TRAPPC9: variants seen among roughly 807,000 people sequenced by gnomAD.
TRAPPC9 encodes IKK2 binding protein.
Under a neutral mutation model 124.0 loss-of-function variants are expected in TRAPPC9, and 83 were observed. That is an observed-to-expected ratio of 0.67 (90% CI 0.56 to 0.80). The LOEUF is 0.80. Ranked by LOEUF, TRAPPC9 falls within the 30% of genes least tolerant of loss-of-function variation. TRAPPC9 has a pLI of 0.00. For missense variants in TRAPPC9, 1,302 were observed against 1,508.3 expected (o/e 0.86, Z 2.27); for synonymous variants, 638 against 617.5 (o/e 1.03, Z -0.49).
At chr8:140,293,544 G>A (rs2065722229) in intron 11 of TRAPPC9, among the ~76,000 whole-genome samples, 1 of 152,188 alleles carries the variant, frequency 6.6e-6, no homozygotes, top group Non-Finnish European at 1.5e-5. Context: ...CATAAAAAAG[G>A]ATGAGTTCAT....
chr8:140,346,291 G>A (rs1167622371), intron 9 of TRAPPC9, among the ~76,000 whole-genome samples: 3 of 152,118 alleles, frequency 2.0e-5, no homozygotes, highest in Admixed American at 1.3e-4. Context: ...ATCCCCAAAG[G>A]AACTGCGTGC....
At chr8:140,366,163 CT>C (rs1426187785) in intron 8 of TRAPPC9, among the ~76,000 whole-genome samples, 3 of 152,166 alleles carry the variant, frequency 2.0e-5, no homozygotes, top group Non-Finnish European at 4.4e-5. Context: ...TTTATCCAGT[CT>C]ATCACTGATG....
At chr8:140,050,348 G>A (rs768122169) in intron 17 of TRAPPC9, among the ~76,000 whole-genome samples, 61 of 152,184 alleles carry the variant, frequency 4.0e-4, no homozygotes, top group Admixed American at 9.2e-4. Flanking sequence ...CAGAATTAAC[G>A]TCTGTGGAAA....
chr8:140,161,801 G>A (rs977369557), intron 17 of TRAPPC9, among the ~76,000 whole-genome samples: 2 of 152,100 alleles, frequency 1.3e-5, no homozygotes, highest in Non-Finnish European at 2.9e-5. Flanking sequence ...TGAGAGGGGA[G>A]AATGGGAGGG....
intron 18 of TRAPPC9, among the ~76,000 whole-genome samples, chr8:139,989,955 GGACA>G (rs1404223771): frequency 2.6e-5 from 4 of 152,118 alleles, no homozygotes; most frequent in African/African-American, 9.7e-5. Context: ...ACCCACGACA[GGACA>G]GACACAGATG....
chr8:139,768,305 G>C (rs1820716727), intron 21 of TRAPPC9, among the ~76,000 whole-genome samples: 1 of 152,224 alleles, frequency 6.6e-6, no homozygotes, highest in Non-Finnish European at 1.5e-5. Flanking sequence ...CCCAGGTGCT[G>C]GACCCTGGAG....
chr8:140,359,104 C>G (rs1181751365), intron 9 of TRAPPC9, among the ~76,000 whole-genome samples: 1 of 152,230 alleles, frequency 6.6e-6, no homozygotes, highest in African/African-American at 2.4e-5. Context: ...TGGGACACGT[C>G]TGCAGGCCAC....
At chr8:140,114,470 T>C (rs1295137641) in intron 17 of TRAPPC9, among the ~76,000 whole-genome samples, 2 of 152,222 alleles carry the variant, frequency 1.3e-5, no homozygotes, top group African/African-American at 2.4e-5. Flanking sequence ...ATTTGACTGT[T>C]CTCTTCGACA....
chr8:140,125,878 C>T (rs1300670694), intron 17 of TRAPPC9, among the ~76,000 whole-genome samples: 3 of 152,028 alleles, frequency 2.0e-5, no homozygotes, highest in Non-Finnish European at 2.9e-5. Context: ...ACGCTAAATG[C>T]CTTTTTGCAC....
chr8:139,919,190 G>A (rs573455227), intron 19 of TRAPPC9, among the ~76,000 whole-genome samples: 26 of 152,316 alleles, frequency 1.7e-4, no homozygotes, highest in Admixed American at 1.6e-3. Flanking sequence ...GCAGCAACAC[G>A]GACTGGAGCG....
intron 17 of TRAPPC9, among the ~76,000 whole-genome samples, chr8:140,079,661 T>C (rs1563744720): frequency 6.6e-6 from 1 of 152,178 alleles, no homozygotes; most frequent in Admixed American, 6.5e-5. Context: ...CCAGGCATGG[T>C]GGCTCATGCC....
In TRAPPC9 at chr8:139,910,179, T is replaced by G. The variant is rs776067419; in HGVS notation, c.2932A>C (p.Ile978Leu). 3 of 1,613,784 alleles carry G rather than the reference T, an allele frequency of 1.9e-6. No homozygotes were observed. The highest frequency in any genetic ancestry group is 2.5e-6 in the Non-Finnish European group (3 of 1,179,940). ...EERREARGLE[I>L]HSKLGICWRI... The stretch of plus-strand genomic sequence containing the variant: ...CAGCAGATGCCCAGCTTGCTGTGGA[T>G]CTCCAGGCCTCGGGCTTCCCGCCGC... Residue 978 changes from isoleucine to leucine, a missense_variant, in exon 20 of 23, where the codon ATC becomes CTC. Transcript: ENST00000438773.
At chr8:140,408,484 G>A (rs2069578189) in intron 5 of TRAPPC9, among the ~76,000 whole-genome samples, 1 of 152,148 alleles carries the variant, frequency 6.6e-6, no homozygotes, top group Non-Finnish European at 1.5e-5. Flanking sequence ...TGCCGCTTGA[G>A]AAAGGTTTGC....
chr8:140,034,988 G>A (rs573782466), intron 17 of TRAPPC9, among the ~76,000 whole-genome samples: 1 of 152,368 alleles, frequency 6.6e-6, no homozygotes, highest in East Asian at 1.9e-4. Flanking sequence ...CCATGAGGCT[G>A]CCCTGGCCTT....
At chr8:139,782,145 C>T (rs976824828) in intron 21 of TRAPPC9, among the ~76,000 whole-genome samples, 11 of 152,048 alleles carry the variant, frequency 7.2e-5, no homozygotes, top group African/African-American at 1.2e-4. Context: ...TTTGGGAGGC[C>T]GAGGCAGGCA....
At position 139,817,248 on chromosome 8, in the gene TRAPPC9, G is replaced by C. The variant is rs150978629; in HGVS notation, c.3055+68631C>G. Among the ~76,000 whole-genome samples the C allele has an allele frequency of 3.5e-3, 532 of 152,282 alleles. 3 individuals carry two copies. Among genetic ancestry groups the C allele is most frequent in the African/African-American group, 0.012 (485 of 41,558 alleles). ...GAGAGGCCAAGACACCAGTTCAGTGGACATGGCTGGGGATAGCAGGTTCAG... is the reference window on the plus strand; with the variant it reads ...GAGAGGCCAAGACACCAGTTCAGTGCACATGGCTGGGGATAGCAGGTTCAG... On this transcript the variant is annotated intron_variant, in intron 21 of 22. Transcript: ENST00000438773.
At chr8:139,901,018 T>C (rs151314186) in intron 20 of TRAPPC9, among the ~76,000 whole-genome samples, 1 of 151,142 alleles carries the variant, frequency 6.6e-6, no homozygotes, top group Non-Finnish European at 1.5e-5. Context: ...AATAAATAAA[T>C]AAAAATAAAA....
At chr8:139,911,171 G>GAATAA (rs1831707455) in intron 19 of TRAPPC9, 1 of 152,058 alleles carries the variant, frequency 6.6e-6, no homozygotes, top group South Asian at 2.1e-4. Flanking sequence ...CTGTTCTCAG[G>GAATAA]GTAGTGAATA....
intron 20 of TRAPPC9, among the ~76,000 whole-genome samples, chr8:139,897,218 T>C (rs911197686): frequency 6.6e-6 from 1 of 152,212 alleles, no homozygotes; most frequent in Non-Finnish European, 1.5e-5. Context: ...ACGGCTGAGT[T>C]ACTTGGAGTC....
Sources: allele counts gnomAD v4.1 joint callset (sites outside exome capture counted in the v4.1 genomes callset), GRCh38; gene constraint gnomAD v4.1.1; transcripts MANE v1.5; gene names NCBI Gene and HGNC (gene_info 2026-07-23, HGNC 2026-07-21).